Variants in SH3KBP1 observed in about 807,000 individuals in gnomAD.
SH3KBP1 encodes the protein SH3 domain containing kinase binding protein 1, also known as SH3 domain-containing kinase-binding protein 1.
A neutral mutation model predicts 50.1 loss-of-function variants in SH3KBP1; 8 were observed. The ratio of observed to expected loss-of-function variants is 0.16; its 90% CI spans 0.09 to 0.29. The LOEUF is 0.29. Among genes scored for constraint, SH3KBP1 ranks in the 10% least tolerant of loss-of-function variants. The pLI, the probability that SH3KBP1 is intolerant of heterozygous loss-of-function variation, is 1.00. For missense variants in SH3KBP1, 377 were observed against 535.2 expected, an observed-to-expected ratio of 0.70 and a Z score of 2.92; for synonymous variants, 227 against 218.6, an observed-to-expected ratio of 1.04 and a Z score of -0.34.
intron 6 of SH3KBP1, among the ~76,000 whole-genome samples, chrX:19,657,752 A>AATC (rs757623715): frequency 9.1e-6 from 1 of 109,357 alleles, no homozygotes; most frequent in African/African-American, 3.3e-5. Context: ...TAATAATAAT[A>AATC]ATAGAAATTC....
At chrX:19,821,447 A>G (rs1328331324) in intron 2 of SH3KBP1, among the ~76,000 whole-genome samples, 1 of 111,591 alleles carries the variant, frequency 9.0e-6, no homozygotes, top group Non-Finnish European at 1.9e-5. Context: ...CCTACTATAC[A>G]TACTCCCTAT....
intron 6 of SH3KBP1, among the ~76,000 whole-genome samples, chrX:19,663,168 C>T (rs991794811): frequency 1.8e-5 from 2 of 111,235 alleles, no homozygotes; most frequent in African/African-American, 6.5e-5. Flanking sequence ...TTATTTTCTG[C>T]TTTCTCTGTA....
At chrX:19,745,601 C>T (rs1201768907) in intron 3 of SH3KBP1, among the ~76,000 whole-genome samples, 1 of 112,042 alleles carries the variant, frequency 8.9e-6, no homozygotes, top group Non-Finnish European at 1.9e-5. Context: ...AACCTACAGG[C>T]ATGCTCAGCA....
At position 19,542,200 on chromosome X, in the gene SH3KBP1, C is replaced by A. The variant is rs1231096194; in HGVS notation, c.1624-7G>T. The A allele has an allele frequency of 8.6e-7, 1 of 1,163,286 alleles. No individual in the cohort carries two copies. Among genetic ancestry groups the A allele is most frequent in the Non-Finnish European group, 1.1e-6 (1 of 872,128 alleles). On this transcript the variant is annotated splice_polypyrimidine_tract_variant and splice_region_variant and intron_variant, in intron 15 of 17. Transcript: ENST00000397821. ...ATGCTTTGTTGTCAGACACCTGTGA[C>A]GAGGGAAGGCAGGGAGGGTTCAGGG...
intron 6 of SH3KBP1, among the ~76,000 whole-genome samples, chrX:19,674,775 T>C (rs2062886607): frequency 9.0e-6 from 1 of 111,671 alleles, no homozygotes; most frequent in African/African-American, 3.3e-5. Flanking sequence ...GTTTGAAATT[T>C]GCCATAATAA....
At chrX:19,806,341 A>G (rs934905310) in intron 2 of SH3KBP1, among the ~76,000 whole-genome samples, 3 of 110,572 alleles carry the variant, frequency 2.7e-5, no homozygotes, top group Non-Finnish European at 5.7e-5. Flanking sequence ...ACATGGTGAA[A>G]CCCTGTCTCT....
intron 13 of SH3KBP1, among the ~76,000 whole-genome samples, chrX:19,558,843 G>A (rs2065574236): frequency 8.9e-6 from 1 of 111,768 alleles, no homozygotes; most frequent in African/African-American, 3.3e-5. Flanking sequence ...ATTTTATTGG[G>A]CTTTTCCCTC....
chrX:19,686,077 T>G, intron 5 of SH3KBP1, among the ~76,000 whole-genome samples: 1 of 111,493 alleles, frequency 9.0e-6, no homozygotes, highest in Admixed American at 9.5e-5. Context: ...CCGTGAGAAA[T>G]ACTCTACGTT....
intron 2 of SH3KBP1, among the ~76,000 whole-genome samples, chrX:19,827,781 CTTTTTTT>C (rs138898288): frequency 8.3e-4 from 30 of 36,215 alleles, no homozygotes; most frequent in Non-Finnish European, 1.4e-3. Flanking sequence ...GAAGTGCAGT[CTTTTTTT>C]TTTTTTTTTT....
intron 12 of SH3KBP1, among the ~76,000 whole-genome samples, chrX:19,583,888 G>T (rs2066461894): frequency 1.1e-5 from 1 of 93,989 alleles, no homozygotes; most frequent in South Asian, 4.6e-4. Flanking sequence ...ATATATCAAT[G>T]GTATATGTTT....
rs192316613 is a variant in SH3KBP1, at chrX:19,863,414, C to T, written c.4+23893G>A. Among the ~76,000 whole-genome samples, 198 of 111,775 alleles carry T rather than the reference C, an allele frequency of 1.8e-3. 2 individuals are homozygous for T. Among genetic ancestry groups the T allele is most frequent in the African/African-American group, 6.1e-3 (188 of 30,823 alleles). The stretch of plus-strand genomic sequence containing the variant: ...TACTAACAAGTGTCTGAATGAGTGG[C>T]CAAAACGTGTCTGAGACTTGCTTTC... On this transcript the variant is annotated intron_variant, in intron 1 of 17. Coordinates refer to ENST00000397821, the MANE Select transcript of SH3KBP1 (RefSeq NM_031892.3).
At chrX:19,571,954 T>C (rs928650532) in intron 12 of SH3KBP1, among the ~76,000 whole-genome samples, 1 of 110,393 alleles carries the variant, frequency 9.1e-6, no homozygotes, top group Non-Finnish European at 1.9e-5. Flanking sequence ...TAATCACATG[T>C]ATCTCAGAAC....
chrX:19,823,241 T>A (rs943599837), intron 2 of SH3KBP1, among the ~76,000 whole-genome samples: 2 of 111,668 alleles, frequency 1.8e-5, no homozygotes, highest in African/African-American at 6.5e-5. Flanking sequence ...CGACACCCAT[T>A]TTTTATCTCA....
intron 1 of SH3KBP1, among the ~76,000 whole-genome samples, chrX:19,864,539 G>A (rs1603285770): frequency 8.9e-6 from 1 of 111,751 alleles, no homozygotes; most frequent in East Asian, 2.8e-4. Flanking sequence ...GGTCACTGTT[G>A]GTGGCTTTGA....
At chrX:19,791,488 T>A (rs958874875) in intron 2 of SH3KBP1, among the ~76,000 whole-genome samples, 3 of 109,313 alleles carry the variant, frequency 2.7e-5, no homozygotes, top group Admixed American at 9.8e-5. Flanking sequence ...GGTTTTAAAT[T>A]TTTTTGTATT....
chrX:19,616,628 T>C (rs370485904), intron 8 of SH3KBP1, among the ~76,000 whole-genome samples: 1 of 111,648 alleles, frequency 9.0e-6, no homozygotes, highest in African/African-American at 3.3e-5. Context: ...CATGCTGTTG[T>C]TCAAAGACTG....
chrX:19,551,456 C>A (rs1382200980), intron 13 of SH3KBP1, among the ~76,000 whole-genome samples: 1 of 110,665 alleles, frequency 9.0e-6, no homozygotes, highest in Admixed American at 9.5e-5. Flanking sequence ...CTTCTCCAGT[C>A]CTGGCTCACT....
intron 2 of SH3KBP1, among the ~76,000 whole-genome samples, chrX:19,828,397 G>C (rs1007515222): frequency 8.9e-6 from 1 of 111,732 alleles, no homozygotes; most frequent in African/African-American, 3.3e-5. Flanking sequence ...AATAGGCCTG[G>C]CATAGTGGCT....
intron 14 of SH3KBP1, among the ~76,000 whole-genome samples, chrX:19,547,232 T>C (rs759624827): frequency 4.5e-5 from 5 of 111,470 alleles, no homozygotes; most frequent in Non-Finnish European, 7.5e-5. Flanking sequence ...AATTTCCCTA[T>C]TTTAGAACAA....
Sources: gnomAD v4.1 joint callset for allele counts (sites outside exome capture counted in the v4.1 genomes callset) on GRCh38, gnomAD v4.1.1 for gene constraint, MANE v1.5 for transcripts, NCBI Gene and HGNC (gene_info 2026-07-23, HGNC 2026-07-21) for gene names.